Variants in SYN2 observed in about 807,000 individuals in gnomAD.
SYN2 encodes synapsin-2.
SYN2 carries 19 observed loss-of-function variants against 50.9 expected under a neutral mutation model. That is an observed-to-expected ratio of 0.37 (90% CI 0.26 to 0.55). The LOEUF (loss-of-function observed/expected upper bound fraction) is 0.55. Ranked by LOEUF, SYN2 falls within the 20% of genes least tolerant of loss-of-function variation. The pLI is 0.81. For synonymous variants in SYN2, 255 were observed against 224.9 expected (o/e 1.13, Z -1.20); for missense variants, 587 against 576.4 (o/e 1.02, Z -0.19).
intron 1 of SYN2, among the ~76,000 whole-genome samples, chr3:12,055,161 A>G (rs2125158141): frequency 6.6e-6 from 1 of 152,256 alleles, no homozygotes; most frequent in East Asian, 1.9e-4. Context: ...ACACATCAAC[A>G]CATTTCAAAA....
At chr3:12,140,737 C>G in intron 2 of SYN2, 29 bp downstream of exon 2, 1 of 740,448 alleles carries the variant, frequency 1.4e-6, no homozygotes, top group South Asian at 1.4e-5. Context: ...AGAGCTGCAT[C>G]CCCGTCATCA....
At position 12,064,098 on chromosome 3, in the gene SYN2, A is replaced by T. The variant is rs1695164055; in HGVS notation, c.377+59170A>T. Among the ~76,000 whole-genome samples the T allele has an allele frequency of 2.6e-5, 4 of 152,104 alleles. No individual in the cohort carries two copies. The South Asian group carries it at 8.3e-4, about 32-fold the overall frequency. On this transcript the variant is annotated intron_variant, in intron 1 of 12. Coordinates refer to ENST00000621198, the MANE Select transcript of SYN2 (RefSeq NM_133625.6). ...AGTGTATACCCTTGACATGTGACTAAAATGGTACTTGATCTCTGTGGTCTT... is the reference window on the plus strand; with the variant it reads ...AGTGTATACCCTTGACATGTGACTATAATGGTACTTGATCTCTGTGGTCTT...
At chr3:12,019,376 C>G (rs1383742459) in intron 1 of SYN2, among the ~76,000 whole-genome samples, 2 of 152,048 alleles carry the variant, frequency 1.3e-5, no homozygotes, top group Non-Finnish European at 2.9e-5. Context: ...ACTGGCAACC[C>G]TTTTTCAGGT....
chr3:12,169,884 C>A lies in SYN2; in HGVS notation c.1286C>A (p.Pro429His), dbSNP rs1574882368. The A allele has an allele frequency of 6.2e-7, 1 of 1,610,918 alleles. No individual in the cohort carries two copies. Among genetic ancestry groups the A allele is most frequent in the Admixed American group, 1.7e-5 (1 of 59,538 alleles). The change falls in exon 10 of 13, where the codon CCC (proline) becomes CAC (histidine). Residue 429 changes from proline to histidine, a missense_variant. Transcript: ENST00000621198. Reference sequence around the variant, plus strand: ...ACTCCTGCCCTGTCTCCTCAGAGACCCCTAACAACCCAGCAGCCACAGGTA... The same window carrying A: ...ACTCCTGCCCTGTCTCCTCAGAGACACCTAACAACCCAGCAGCCACAGGTA... ...SRTPALSPQR[P>H]LTTQQPQSGT... is the part of the protein sequence containing the mutation.
At chr3:12,137,222 C>T (rs917330947) in intron 1 of SYN2, among the ~76,000 whole-genome samples, 29 of 149,720 alleles carry the variant, frequency 1.9e-4, no homozygotes, top group East Asian at 1.4e-3. Flanking sequence ...CACTCTAGCC[C>T]GCGCAACAGA....
intron 1 of SYN2, among the ~76,000 whole-genome samples, chr3:12,095,490 G>A (rs1695910879): frequency 8.2e-6 from 1 of 121,918 alleles, no homozygotes; most frequent in Non-Finnish European, 1.6e-5. Context: ...AGAGCTTTCA[G>A]TGAGCCGAGA....
intron 8 of SYN2, among the ~76,000 whole-genome samples, chr3:12,168,131 G>A (rs1017537691): frequency 6.6e-6 from 1 of 152,188 alleles, no homozygotes; most frequent in African/African-American, 2.4e-5. Flanking sequence ...GCATGGGCTG[G>A]AATAGCCAAG....
intron 1 of SYN2, among the ~76,000 whole-genome samples, chr3:12,057,278 C>T (rs1201498632): frequency 1.1e-5 from 1 of 88,384 alleles, no homozygotes; most frequent in Admixed American, 1.1e-4. Flanking sequence ...GGCGACAAGG[C>T]AAGACTGTCT....
chr3:12,038,784 T>C (rs1694554141), intron 1 of SYN2, among the ~76,000 whole-genome samples: 1 of 152,182 alleles, frequency 6.6e-6, no homozygotes, highest in African/African-American at 2.4e-5. Context: ...CTGAACTCAT[T>C]TATTAGCTCT....
intron 1 of SYN2, among the ~76,000 whole-genome samples, chr3:12,110,561 C>A (rs1310865237): frequency 6.6e-6 from 1 of 152,248 alleles, no homozygotes; most frequent in Non-Finnish European, 1.5e-5. Context: ...AGCCCTGCCC[C>A]TGCAGCAGAC....
intron 7 of SYN2, 57 bp downstream of exon 7, chr3:12,162,211 A>G (rs1697670626): frequency 6.3e-7 from 1 of 1,585,678 alleles, no homozygotes; most frequent in South Asian, 1.2e-5. Context: ...CTGAGCCTCC[A>G]CATTGCAGCC....
chr3:12,075,635 T>G (rs1263903539), intron 1 of SYN2, among the ~76,000 whole-genome samples: 1 of 152,170 alleles, frequency 6.6e-6, no homozygotes, highest in Non-Finnish European at 1.5e-5. Context: ...GGTCATTATT[T>G]TAAAAGATAT....
chr3:12,189,159 C>G (rs1698400835), intron 12 of SYN2, among the ~76,000 whole-genome samples: 1 of 152,068 alleles, frequency 6.6e-6, no homozygotes, highest in South Asian at 2.1e-4. Context: ...GCTGAGAGTC[C>G]CAAGACACCA....
At chr3:12,114,956 C>T (rs960538801) in intron 1 of SYN2, among the ~76,000 whole-genome samples, 5 of 152,126 alleles carry the variant, frequency 3.3e-5, no homozygotes, top group Admixed American at 6.5e-5. Context: ...CCGAATCTTT[C>T]CTCCACAATA....
At chr3:12,154,631 A>T (rs1005076714) in intron 5 of SYN2, among the ~76,000 whole-genome samples, 19 of 152,340 alleles carry the variant, frequency 1.2e-4, no homozygotes, top group Non-Finnish European at 2.4e-4. Context: ...GCAAAAAGAT[A>T]AGCAGATTAT....
At chr3:12,009,352 C>T (rs570455651) in intron 1 of SYN2, among the ~76,000 whole-genome samples, 3 of 151,742 alleles carry the variant, frequency 2.0e-5, no homozygotes, top group Non-Finnish European at 4.4e-5. Context: ...TTTCCCAACT[C>T]TACCACAGTA....
At chr3:12,103,547 C>T (rs772341527) in intron 1 of SYN2, among the ~76,000 whole-genome samples, 1 of 152,136 alleles carries the variant, frequency 6.6e-6, no homozygotes, top group South Asian at 2.1e-4. Context: ...ATGTCAGGAT[C>T]GCCCCATTAC....
intron 11 of SYN2, chr3:12,185,464 A>G: frequency 2.0e-6 from 2 of 985,818 alleles, no homozygotes; most frequent in Middle Eastern, 5.2e-4. Context: ...CCCACTGCCA[A>G]ATGCAAGCAG....
intron 10 of SYN2, among the ~76,000 whole-genome samples, chr3:12,182,970 A>G (rs939751703): frequency 1.3e-5 from 2 of 152,246 alleles, no homozygotes; most frequent in South Asian, 2.1e-4. Flanking sequence ...TTGGACAGGC[A>G]TCAGAAAACC....
Sources: allele counts gnomAD v4.1 joint callset (sites outside exome capture counted in the v4.1 genomes callset), GRCh38; gene constraint gnomAD v4.1.1; transcripts MANE v1.5; gene names NCBI Gene and HGNC (gene_info 2026-07-23, HGNC 2026-07-21).